Variants in RP1 observed in about 807,000 individuals in gnomAD.
The protein encoded by RP1 is RP1 axonemal microtubule associated, also known as oxygen-regulated protein 1.
In RP1, 16 loss-of-function variants were observed where a neutral mutation model predicts 14.8. The observed-to-expected ratio is 1.08, with a 90% confidence interval of 0.73 to 1.65. RP1 has a LOEUF of 1.65. Among genes scored for constraint, RP1 ranks in the 40% most tolerant of loss-of-function variants. The probability of loss-of-function intolerance (pLI) is 0.00; values close to 1 mark genes in which losing one functional copy is unlikely to be tolerated. For synonymous variants in RP1, 876 were observed against 883.6 expected (o/e 0.99, Z 0.15); for missense variants, 2,631 against 2,535.0 (o/e 1.04, Z -0.81).
chr8:54,837,397 T>C (rs1358136650), intron 24 of RP1: 4 of 751,786 alleles, frequency 5.3e-6, no homozygotes, highest in Non-Finnish European at 5.5e-6. Context: ...AATATGAATT[T>C]GGAAATTGGA....
chr8:54,739,105 A>G lies in RP1; in HGVS notation c.2808+76A>G, dbSNP rs1809005694. 2.8e-6 allele frequency: 3 copies of G among 1,063,392 alleles called. No homozygotes were observed. The East Asian group carries it at 7.8e-5, about 27-fold the overall frequency. The allele number at this position is 1,063,392 out of a possible 1,614,324, so 65.9% of individuals were successfully genotyped here. A position where few individuals can be genotyped will look rare whatever the true frequency, so the allele number is the denominator to read the frequency against. On this transcript the variant is annotated intron_variant, in intron 19 of 22. Coordinates refer to the RP1 transcript ENST00000636932. The stretch of plus-strand genomic sequence containing the variant: ...AGCAAGCTGGCTATGTAAAGCAGTG[A>G]AAACGGTATTTTCCTAATTACAGAT...
chr8:54,748,396 G>C (rs1446695948), intron 19 of RP1, among the ~76,000 whole-genome samples: 5 of 152,154 alleles, frequency 3.3e-5, no homozygotes, highest in Admixed American at 1.3e-4. Context: ...AATCTCAAAA[G>C]ACTCCAGTAG....
intron 19 of RP1, among the ~76,000 whole-genome samples, chr8:54,753,153 T>C (rs1352590281): frequency 6.6e-6 from 1 of 152,224 alleles, no homozygotes; most frequent in Non-Finnish European, 1.5e-5. Context: ...ACAGTTTTTC[T>C]AGCTGTCCAG....
chr8:54,796,228 C>A (rs1387658591), intron 24 of RP1, among the ~76,000 whole-genome samples: 1 of 151,990 alleles, frequency 6.6e-6, no homozygotes, highest in East Asian at 1.9e-4. Flanking sequence ...AATAATAGTA[C>A]CTAAGAGGAT....
chr8:54,745,437 T>C (rs765950343), intron 19 of RP1, among the ~76,000 whole-genome samples: 34 of 152,204 alleles, frequency 2.2e-4, no homozygotes, highest in Non-Finnish European at 4.1e-4. Flanking sequence ...ATTTAACGAC[T>C]TGGTTGAAAT....
At position 54,832,357 on chromosome 8, in the gene RP1, T is replaced by G. The variant is rs867114213; in HGVS notation, c.3616-5093T>G. 6.1e-4 allele frequency among the ~76,000 whole-genome samples: 93 copies of G among 152,000 alleles called. No individual in the cohort carries two copies. The Middle Eastern group carries it at 0.01, about 17-fold the overall frequency. ...TACTAATTATTTCAATATGGATAAT[T>G]TCTATTAACTGTCTTCAAGTTTACT... On this transcript the variant is annotated intron_variant, in intron 24 of 28. Coordinates refer to the RP1 transcript ENST00000637698.
chr8:54,672,297 A>G (rs186243482), intron 7 of RP1, among the ~76,000 whole-genome samples: 3 of 152,172 alleles, frequency 2.0e-5, no homozygotes. Flanking sequence ...AGAATTTTGG[A>G]TGTATGGTCC....
chr8:54,799,529 T>C (rs1309232272), intron 24 of RP1, among the ~76,000 whole-genome samples: 2 of 152,158 alleles, frequency 1.3e-5, no homozygotes, highest in East Asian at 3.9e-4. Flanking sequence ...TTGCTAGTTG[T>C]TTTCTATTTG....
intron 12 of RP1, among the ~76,000 whole-genome samples, chr8:54,685,300 A>C (rs550470758): frequency 1.3e-5 from 2 of 152,250 alleles, no homozygotes; most frequent in East Asian, 3.9e-4. Context: ...TTAGTGCTAT[A>C]AATTTCCCTC....
chr8:54,803,807 T>C (rs542562363), intron 24 of RP1, among the ~76,000 whole-genome samples: 39 of 152,286 alleles, frequency 2.6e-4, no homozygotes, highest in Non-Finnish European at 5.1e-4. Flanking sequence ...CAATGGCTCA[T>C]GCCTATAATC....
chr8:54,630,119 A>G lies in RP1; in HGVS notation c.6237A>G (p.Ser2079=). The change falls in exon 4 of 4, where the codon TCA becomes TCG. Residue 2079 remains serine, a synonymous_variant. Transcript: ENST00000220676. ...NNLLNNRFQG[S]RTNLNQVVRE... ...TATTAAATAACAGATTCCAGGGCTC[A>G]AGAACAAATCTCAACCAAGTAGTAA... 1.2e-6 allele frequency: 2 copies of G among 1,613,826 alleles called. No homozygotes were observed. The highest frequency in any genetic ancestry group is 1.7e-6 in the Non-Finnish European group (2 of 1,179,862).
intron 24 of RP1, among the ~76,000 whole-genome samples, chr8:54,821,326 T>C (rs112247081): frequency 0.012 from 1,829 of 152,316 alleles, 32 homozygotes; most frequent in African/African-American, 0.041. Flanking sequence ...TACACTCTGA[T>C]AGCTTTTTGG....
chr8:54,751,524 G>A (rs1382758762), intron 19 of RP1, among the ~76,000 whole-genome samples: 4 of 152,142 alleles, frequency 2.6e-5, no homozygotes, highest in Admixed American at 6.5e-5. Flanking sequence ...TTTCTTACTT[G>A]TTTTCATTAA....
intron 19 of RP1, among the ~76,000 whole-genome samples, chr8:54,747,069 T>A (rs1227692259): frequency 6.6e-6 from 1 of 152,156 alleles, no homozygotes; most frequent in Non-Finnish European, 1.5e-5. Context: ...ACCTCAATTT[T>A]GTCTATTTTT....
chr8:54,865,938 A>T (rs922144368), intron 28 of RP1: 83 of 1,021,076 alleles, frequency 8.1e-5, no homozygotes, highest in Non-Finnish European at 1.0e-4. Flanking sequence ...ATGCATTATT[A>T]TGCAAAATTA....
chr8:54,605,268 C>T (rs1805403254), intron 1 of RP1, among the ~76,000 whole-genome samples: 1 of 152,174 alleles, frequency 6.6e-6, no homozygotes, highest in African/African-American at 2.4e-5. Flanking sequence ...CAAAGAACAT[C>T]TTTATTACTG....
intron 17 of RP1, among the ~76,000 whole-genome samples, chr8:54,729,843 T>A (rs763526609): frequency 8.5e-5 from 13 of 152,124 alleles, no homozygotes; most frequent in Non-Finnish European, 1.6e-4. Flanking sequence ...CATCTATATA[T>A]TATTTCATTA....
chr8:54,733,331 A>G (rs1808836432), intron 17 of RP1, among the ~76,000 whole-genome samples: 1 of 152,200 alleles, frequency 6.6e-6, no homozygotes, highest in African/African-American at 2.4e-5. Flanking sequence ...AGAACCCTGC[A>G]TATAATAGGA....
At chr8:54,815,914 A>G (rs920967482) in intron 24 of RP1, among the ~76,000 whole-genome samples, 2 of 152,186 alleles carry the variant, frequency 1.3e-5, no homozygotes, top group Non-Finnish European at 2.9e-5. Context: ...GAGTGGTATT[A>G]TTACTTCAGA....
Sources: allele counts gnomAD v4.1 joint callset (sites outside exome capture counted in the v4.1 genomes callset), GRCh38; gene constraint gnomAD v4.1.1; transcripts MANE v1.5; gene names NCBI Gene and HGNC (gene_info 2026-07-23, HGNC 2026-07-21).